The following NFIB variants were observed in gnomAD, a reference collection of about 807,000 sequenced individuals.
The protein encoded by NFIB is nuclear factor I B, also known as nuclear factor 1 B-type.
NFIB carries 11 observed loss-of-function variants against 61.5 expected under a neutral mutation model. That is an observed-to-expected ratio of 0.18 (90% CI 0.11 to 0.30). The LOEUF is 0.30. Ranked by LOEUF, NFIB falls within the 10% of genes least tolerant of loss-of-function variation. The probability of loss-of-function intolerance (pLI) is 1.00; values close to 1 mark genes in which losing one functional copy is unlikely to be tolerated. For synonymous variants in NFIB, 260 were observed against 216.5 expected, an observed-to-expected ratio of 1.20 and a Z score of -1.76; for missense variants, 471 against 608.9, an observed-to-expected ratio of 0.77 and a Z score of 2.38.
chr9:14,096,154 C>T (rs976403648), intron 10 of NFIB, among the ~76,000 whole-genome samples: 6 of 152,078 alleles, frequency 3.9e-5, no homozygotes, highest in African/African-American at 1.4e-4. Context: ...TGATTTCTTA[C>T]GGACGAACTA....
At chr9:14,501,926 C>G in the NFIB span, among the ~76,000 whole-genome samples, 4 of 152,198 alleles carry the variant, frequency 2.6e-5, no homozygotes, top group African/African-American at 4.8e-5. Context: ...GGCCCAGGGT[C>G]ACCTGCACTC....
chr9:14,339,077 C>T (rs1185520046), intron 1 of NFIB, among the ~76,000 whole-genome samples: 1 of 152,174 alleles, frequency 6.6e-6, no homozygotes. Flanking sequence ...TTTTAAACTT[C>T]TTGTTTCCCC....
At chr9:14,322,123 T>C (rs1185742535) in intron 1 of NFIB, 11 of 1,226,654 alleles carry the variant, frequency 9.0e-6, no homozygotes, top group Admixed American at 4.2e-5. Flanking sequence ...AGTAGTCTTA[T>C]GTATTTTTTA....
rs546130254 is a variant in NFIB at position 14,272,161 on chromosome 9, T to C, written c.562+34828A>G. Among the ~76,000 whole-genome samples the C allele has an allele frequency of 1.6e-4, 25 of 152,268 alleles. No homozygotes were observed. The South Asian group carries it at 5.2e-3, about 32-fold the overall frequency. On this transcript the variant is annotated intron_variant, in intron 2 of 10. Transcript: ENST00000380953. ...AAGGCGCAAGTTTCCATTATACGTT[T>C]TGAACAAACTTAAAATAGCTACTAA...
At chr9:14,395,054 A>G (rs990854850) in intron 1 of NFIB, among the ~76,000 whole-genome samples, 5 of 151,992 alleles carry the variant, frequency 3.3e-5, no homozygotes, top group Middle Eastern at 3.2e-3. Flanking sequence ...TTTTCTCTTT[A>G]TCTATTTAGT....
intron 2 of NFIB, among the ~76,000 whole-genome samples, chr9:14,254,612 G>A (rs2056019953): frequency 6.6e-6 from 1 of 151,970 alleles, no homozygotes. Context: ...TCTAATAGCT[G>A]CTCAAAGGCC....
chr9:14,175,715 T>A (rs771636153), intron 3 of NFIB, among the ~76,000 whole-genome samples: 1 of 152,128 alleles, frequency 6.6e-6, no homozygotes, highest in Non-Finnish European at 1.5e-5. Context: ...AAAAGGAAAG[T>A]AGCATGTTAA....
chr9:14,522,411 T>C, the NFIB span, among the ~76,000 whole-genome samples: 2 of 152,184 alleles, frequency 1.3e-5, no homozygotes, highest in Admixed American at 6.5e-5. Context: ...CATACGATAA[T>C]TAACATCTTA....
At chr9:14,199,390 C>G (rs2048779370) in intron 2 of NFIB, among the ~76,000 whole-genome samples, 1 of 152,208 alleles carries the variant, frequency 6.6e-6, no homozygotes, top group African/African-American at 2.4e-5. Context: ...ATTGGCAACT[C>G]ACAGCCGGCT....
chr9:14,103,342 T>TGG (rs113087111), intron 10 of NFIB, among the ~76,000 whole-genome samples: 48 of 133,686 alleles, frequency 3.6e-4, no homozygotes, highest in African/African-American at 1.2e-3. Context: ...TTATCTGGGT[T>TGG]GGGGGGGGGG....
the NFIB span, among the ~76,000 whole-genome samples, chr9:14,440,986 T>G: frequency 6.6e-6 from 1 of 152,154 alleles, no homozygotes; most frequent in African/African-American, 2.4e-5. Flanking sequence ...ATGACAGCCA[T>G]TCCTGATATG....
chr9:14,402,792 T>C (rs79593663), upstream of NFIB, among the ~76,000 whole-genome samples: 284 of 152,332 alleles, frequency 1.9e-3, 3 homozygotes, highest in East Asian at 0.033. Flanking sequence ...GCATGGTATA[T>C]TAGCCTTGAA....
the NFIB span, among the ~76,000 whole-genome samples, chr9:14,485,089 C>A: frequency 6.6e-6 from 1 of 152,148 alleles, no homozygotes; most frequent in Non-Finnish European, 1.5e-5. Flanking sequence ...CCCTTAGGAT[C>A]TTATTTAACC....
In NFIB at chr9:14,106,246, T is replaced by C. The variant is rs188687228; in HGVS notation, c.1467+6753A>G. Among the ~76,000 whole-genome samples the C allele has an allele frequency of 5.1e-3, 782 of 152,202 alleles. 3 individuals are homozygous for C. Among genetic ancestry groups the C allele is most frequent in the Middle Eastern group, 0.01 (3 of 294 alleles). ...TTCTTATTTTTGTAACAATATAGACTCTCAAAAAGAACTGATCATATGCAT... is the reference window on the plus strand; with the variant it reads ...TTCTTATTTTTGTAACAATATAGACCCTCAAAAAGAACTGATCATATGCAT... On this transcript the variant is annotated intron_variant, in intron 10 of 10. Transcript: ENST00000380953.
Position 14,297,108 on chromosome 9 carries a change from C to A in NFIB, c.562+9881G>T, listed in dbSNP as rs567851820. ...AACTTTAACTCAACAGGTGAGATCACCTTAAAATTCTTTCGATGTAGGAAC... is the reference window on the plus strand; with the variant it reads ...AACTTTAACTCAACAGGTGAGATCAACTTAAAATTCTTTCGATGTAGGAAC... On this transcript the variant is annotated intron_variant, in intron 2 of 10. Transcript: ENST00000380953. Among the ~76,000 whole-genome samples the A allele has an allele frequency of 4.6e-5, 7 of 152,298 alleles. No individual in the cohort carries two copies. The South Asian group carries it at 1.5e-3, about 32-fold the overall frequency.
At chr9:14,330,257 A>C (rs1387328752) in intron 1 of NFIB, among the ~76,000 whole-genome samples, 2 of 152,226 alleles carry the variant, frequency 1.3e-5, no homozygotes, top group African/African-American at 2.4e-5. Flanking sequence ...CCTAACTAAA[A>C]AGTTAAATAC....
Position 14,118,792 on chromosome 9 carries a change from G to C in NFIB, c.1245+1648C>G, listed in dbSNP as rs566419698. Among the ~76,000 whole-genome samples the C allele has an allele frequency of 3.5e-5, 5 of 142,642 alleles. No homozygotes were observed. In the South Asian group the frequency reaches 6.6e-4, roughly 19 times the overall value. The allele number at this position is 142,642 out of a possible 152,430, so 93.6% of individuals were successfully genotyped here. A position where few individuals can be genotyped will look rare whatever the true frequency, so the allele number is the denominator to read the frequency against. ...TCTTTTTTTTTTTTTTTTGAGATGA[G>C]AGTAATATGCTTCCTTAGAAGGTGA... is the stretch of plus-strand genomic sequence containing the variant. On this transcript the variant is annotated intron_variant, in intron 8 of 10. Transcript: ENST00000380953.
chr9:14,318,012 C>T (rs1355305895), upstream of NFIB, among the ~76,000 whole-genome samples: 1 of 152,152 alleles, frequency 6.6e-6, no homozygotes, highest in Non-Finnish European at 1.5e-5. Flanking sequence ...CTTACCAATC[C>T]TAAACTCTTC....
rs543327110 is a variant in NFIB at position 14,090,229 on chromosome 9, T to G, written c.1468-1903A>C. Among the ~76,000 whole-genome samples, 26 of 152,214 alleles carry G rather than the reference T, an allele frequency of 1.7e-4. No homozygotes were observed. In the South Asian group the frequency reaches 5.2e-3, roughly 30 times the overall value. ...ATTGATTAAGCAGGAATAATCACAT[T>G]CAAACTAAAAAGACACGTCCTCAAA... is the stretch of plus-strand genomic sequence containing the variant. On this transcript the variant is annotated intron_variant, in intron 10 of 10. Coordinates refer to ENST00000380953, the MANE Select transcript of NFIB (RefSeq NM_001190737.2).
Sources: gnomAD v4.1 joint callset for allele counts (sites outside exome capture counted in the v4.1 genomes callset) on GRCh38, gnomAD v4.1.1 for gene constraint, MANE v1.5 for transcripts, NCBI Gene and HGNC (gene_info 2026-07-23, HGNC 2026-07-21) for gene names.